The following MAN1B1 variants were observed in gnomAD, a reference collection of about 807,000 sequenced individuals.
MAN1B1 encodes the protein mannosidase alpha class 1B member 1.
A neutral mutation model predicts 75.5 loss-of-function variants in MAN1B1; 66 were observed. The ratio of observed to expected loss-of-function variants is 0.87; its 90% CI spans 0.72 to 1.07. The LOEUF (loss-of-function observed/expected upper bound fraction) is 1.07. MAN1B1 is among the 50% of genes least tolerant of loss of function. The pLI, the probability that MAN1B1 is intolerant of heterozygous loss-of-function variation, is 0.00. For synonymous variants in MAN1B1, 453 were observed against 382.8 expected, an observed-to-expected ratio of 1.18 and a Z score of -2.14; for missense variants, 973 against 912.5, an observed-to-expected ratio of 1.07 and a Z score of -0.85.
chr9:137,087,535 C>G (rs1204427018), intron 1 of MAN1B1: 9 of 589,100 alleles, frequency 1.5e-5, no homozygotes, highest in Admixed American at 6.5e-5. Flanking sequence ...GGAGCGGAAA[C>G]CGGAGGTTCC....
intron 8 of MAN1B1, chr9:137,104,072 T>C: frequency 2.2e-6 from 1 of 457,438 alleles, no homozygotes; most frequent in East Asian, 6.9e-5. Context: ...CAGCTATCAC[T>C]TCCATCTCCA....
intron 8 of MAN1B1, chr9:137,105,319 G>A (rs575048387): frequency 1.3e-5 from 2 of 156,194 alleles, no homozygotes; most frequent in East Asian, 2.0e-4. Context: ...CACTTGTGGT[G>A]AGAAGTGCAG....
At chr9:137,099,631 GGT>G in intron 5 of MAN1B1, 63 bp from the exon 6 acceptor site, 1 of 1,545,872 alleles carries the variant, frequency 6.5e-7, no homozygotes, top group East Asian at 2.2e-5. Context: ...TCTGCCTGAG[GGT>G]GTCCATCTGT....
intron 5 of MAN1B1, 52 bp downstream of exon 5, chr9:137,097,989 T>C: frequency 7.2e-7 from 1 of 1,389,648 alleles, no homozygotes; most frequent in Non-Finnish European, 1.0e-6. Context: ...GGCTGGTGGC[T>C]GATGGGTGCA....
At chr9:137,103,457 C>G (rs1830970089) in intron 8 of MAN1B1, 1 of 282,696 alleles carries the variant, frequency 3.5e-6, no homozygotes, top group Non-Finnish European at 6.7e-6. Flanking sequence ...GTGTTACACA[C>G]AACGCTGTTG....
In MAN1B1 at chr9:137,106,171, AGAAGGATGGGCTGGT is replaced by A; in HGVS notation, c.1303_1317del (p.Lys435_Val439del). On this transcript the variant is annotated inframe_deletion, in exon 9 of 13. Coordinates refer to ENST00000371589, the MANE Select transcript of MAN1B1 (RefSeq NM_016219.5). ...CAGCACATCCACGGCCTGTCTGGGA[AGAAGGATGGGCTGGT>A]GCCCATGTTCATCAATACCCACAGT... The A allele has an allele frequency of 1.2e-6, 2 of 1,612,952 alleles. No homozygotes were observed. Among genetic ancestry groups the A allele is most frequent in the Non-Finnish European group, 1.7e-6 (2 of 1,179,906 alleles).
In MAN1B1 at chr9:137,108,579, G is replaced by A. The variant is rs1202731569; in HGVS notation, c.2088G>A (p.Trp696Ter). ...CCGAAGCCCACCCTCTGCCTATCTG[G>A]ACCCCTGCCTAGGGTGGATGGCTGC... is the stretch of plus-strand genomic sequence containing the variant. The part of the protein sequence containing the change: ...FNTEAHPLPI[W>*]TPA The change falls in exon 13 of 13, where the codon TGG becomes TGA. Residue 696 changes from tryptophan to a stop codon, truncating the protein, a stop_gained. Transcript: ENST00000371589. LOFTEE classifies it high-confidence loss of function. 2 of 1,613,734 alleles carry A rather than the reference G, an allele frequency of 1.2e-6. No individual in the cohort carries two copies. Among genetic ancestry groups the A allele is most frequent in the Admixed American group, 1.7e-5 (1 of 60,026 alleles).
At chr9:137,099,951 T>C (rs1564281912) in intron 6 of MAN1B1, 70 bp downstream of exon 6, 1 of 1,560,448 alleles carries the variant, frequency 6.4e-7, no homozygotes, top group Non-Finnish European at 8.8e-7. Context: ...AGAGTGTGGG[T>C]TGCACACGGG....
chr9:137,102,916 ATTC>A (rs2131069864), intron 8 of MAN1B1: 1 of 399,326 alleles, frequency 2.5e-6, no homozygotes, highest in East Asian at 8.7e-5. Flanking sequence ...TGTTACACAC[ATTC>A]ACGCTGTTGC....
chr9:137,103,690 A>G (rs1285641472), intron 8 of MAN1B1: 2 of 359,086 alleles, frequency 5.6e-6, no homozygotes, highest in African/African-American at 6.5e-5. Flanking sequence ...TGTTACACAC[A>G]TTCACACTGT....
intron 1 of MAN1B1, 36 bp from the exon 2 acceptor site, chr9:137,088,039 T>G (rs1353301728): frequency 6.7e-7 from 1 of 1,484,386 alleles, no homozygotes; most frequent in Admixed American, 1.7e-5. Flanking sequence ...GTGTGATATA[T>G]TCAGTAAGAA....
At chr9:137,089,243 A>C (rs1564274278) in intron 3 of MAN1B1, 1 of 567,736 alleles carries the variant, frequency 1.8e-6, no homozygotes, top group Non-Finnish European at 3.2e-6. Flanking sequence ...AGTGTTGAAT[A>C]AGACAGACCT....
At chr9:137,097,743 TGGCCGTG>T in intron 4 of MAN1B1, 78 bp from the exon 5 acceptor site, 1 of 1,063,242 alleles carries the variant, frequency 9.4e-7, no homozygotes, top group East Asian at 2.6e-5. Flanking sequence ...GGCTGTGCCT[TGGCCGTG>T]GGTATGGAGC....
chr9:137,099,839 A>G lies in MAN1B1; in HGVS notation c.874A>G (p.Ile292Val), dbSNP rs573043401. 81 of 1,614,204 alleles carry G rather than the reference A, an allele frequency of 5.0e-5. No homozygotes were observed. The Middle Eastern group carries it at 6.6e-4, about 13-fold the overall frequency. The change falls in exon 6 of 13, where the codon ATC becomes GTC. Residue 292 changes from isoleucine to valine, a missense_variant. Ile to Val is a conservative substitution (Grantham distance 29, BLOSUM62 3). Transcript: ENST00000371589. Reference protein sequence around the residue: ...SEWFGLGLTLIDALDTMWILG... With the variant: ...SEWFGLGLTLVDALDTMWILG... ...GTGGTTTGGCCTCGGTCTCACACTGATCGACGCGCTGGACACCATGTGGAT... is the reference window on the plus strand; with the variant it reads ...GTGGTTTGGCCTCGGTCTCACACTGGTCGACGCGCTGGACACCATGTGGAT...
intron 8 of MAN1B1, chr9:137,102,691 C>G (rs1830894736): frequency 2.3e-6 from 1 of 439,222 alleles, no homozygotes; most frequent in Admixed American, 2.5e-5. Flanking sequence ...CTGTTGCAGA[C>G]ATGCAGGTCG....
chr9:137,104,078 C>T (rs1232565991), intron 8 of MAN1B1: 8 of 456,890 alleles, frequency 1.8e-5, no homozygotes, highest in Admixed American at 1.2e-4. Flanking sequence ...TCACTTCCAT[C>T]TCCAGAGCCC....
chr9:137,108,686 C>A lies in MAN1B1; in HGVS notation c.*95C>A. The A allele has an allele frequency of 8.6e-7, 1 of 1,163,202 alleles. No homozygotes were observed. The highest frequency in any genetic ancestry group is 1.3e-6 in the Non-Finnish European group (1 of 776,142). The allele number at this position is 1,163,202 out of a possible 1,614,324, so 72.1% of individuals were successfully genotyped here. ...AGGGCCCACGTAGCACCGGCAACCG[C>A]CAAGTGGCCCAGGCTCTGAACTGGC... is the stretch of plus-strand genomic sequence containing the variant. On this transcript the variant is annotated 3_prime_UTR_variant, in exon 13 of 13. Transcript: ENST00000371589.
rs1158427353 is a variant in MAN1B1, at chr9:137,087,566, G to C, written c.219+348G>C. ...GTTCCCCGTGGTGTATGCTCCCCTCGGTACAGTGAGAAATGAGCCCCTCTT... is the reference window on the plus strand; with the variant it reads ...GTTCCCCGTGGTGTATGCTCCCCTCCGTACAGTGAGAAATGAGCCCCTCTT... On this transcript the variant is annotated intron_variant, in intron 1 of 12. Transcript: ENST00000371589. 7.6e-6 allele frequency: 4 copies of C among 529,212 alleles called. No individual in the cohort carries two copies. In the Admixed American group the frequency reaches 1.0e-4, roughly 13 times the overall value. 32.8% of individuals were successfully genotyped at this position (529,212 alleles called of 1,614,324 possible).
intron 9 of MAN1B1, 175 bp downstream of exon 9, chr9:137,106,490 A>AT (rs1207793093): frequency 1.0e-6 from 1 of 962,202 alleles, no homozygotes; most frequent in African/African-American, 1.6e-5. Context: ...GGGCGTATTC[A>AT]TTCACCTCTC....
Sources: allele counts gnomAD v4.1 joint callset, GRCh38; gene constraint gnomAD v4.1.1; transcripts MANE v1.5; gene names NCBI Gene and HGNC (gene_info 2026-07-23, HGNC 2026-07-21).